NFATC2: variants seen among roughly 807,000 people sequenced by gnomAD.
NFATC2 encodes nuclear factor of activated T cells 2.
NFATC2 carries 22 observed loss-of-function variants against 87.3 expected under a neutral mutation model. That is an observed-to-expected ratio of 0.25 (90% CI 0.18 to 0.36). The LOEUF is 0.36. Among genes scored for constraint, NFATC2 ranks in the 10% least tolerant of loss-of-function variants. The pLI is 1.00. For missense variants in NFATC2, 1,149 were observed against 1,259.1 expected, an observed-to-expected ratio of 0.91 and a Z score of 1.32; for synonymous variants, 565 against 542.2, an observed-to-expected ratio of 1.04 and a Z score of -0.58.
intron 9 of NFATC2, among the ~76,000 whole-genome samples, chr20:51,426,673 C>T (rs1981880530): frequency 6.6e-6 from 1 of 152,098 alleles, no homozygotes; most frequent in Non-Finnish European, 1.5e-5. Context: ...GGAGCTGACA[C>T]TCAAGACACA....
At chr20:51,454,751 C>G in intron 5 of NFATC2, 63 bp from the exon 6 acceptor site, 3 of 1,578,656 alleles carry the variant, frequency 1.9e-6, no homozygotes, top group Non-Finnish European at 2.6e-6. Context: ...AAGAGGAGGT[C>G]TGATTTCATG....
At chr20:51,525,773 G>A (rs952202306) in intron 1 of NFATC2, among the ~76,000 whole-genome samples, 16 of 151,964 alleles carry the variant, frequency 1.1e-4, no homozygotes, top group African/African-American at 3.6e-4. Flanking sequence ...TCTCCTCCCT[G>A]GCCTCCCCAC....
chr20:51,435,281 T>C lies in NFATC2; in HGVS notation c.1939A>G (p.Asn647Asp), dbSNP rs1473565286. The change falls in exon 8 of 11, where the codon AAC (asparagine) becomes GAC (aspartate). Residue 647 changes from asparagine to aspartate, a missense_variant. Physicochemically the swap from Asn to Asp is conservative, Grantham distance 23 (BLOSUM62 1). Coordinates refer to ENST00000371564, the MANE Select transcript of NFATC2 (RefSeq NM_012340.5). ...MLFVEIPEYR[N>D]KHIRTPVKVN... Reference sequence around the variant, plus strand: ...TTTACAGGTGTGCGGATATGCTTGTTCCGATATTCAGGGATCTCAACAAAA... The same window carrying C: ...TTTACAGGTGTGCGGATATGCTTGTCCCGATATTCAGGGATCTCAACAAAA... 1.2e-6 allele frequency: 2 copies of C among 1,614,188 alleles called. No individual in the cohort carries two copies. Among genetic ancestry groups the C allele is most frequent in the Admixed American group, 3.3e-5 (2 of 60,034 alleles).
chr20:51,409,009 A>C (rs1978795593), intron 9 of NFATC2, among the ~76,000 whole-genome samples: 1 of 152,202 alleles, frequency 6.6e-6, no homozygotes, highest in Non-Finnish European at 1.5e-5. Context: ...ACTACATGAA[A>C]ATTTTCTGTT....
chr20:51,547,305 T>G (rs1429078006), upstream of NFATC2, among the ~76,000 whole-genome samples: 1 of 152,158 alleles, frequency 6.6e-6, no homozygotes, highest in Non-Finnish European at 1.5e-5. Flanking sequence ...ACTCATAGAC[T>G]GTCATCCTTT....
chr20:51,495,424 C>T (rs1229926560), intron 3 of NFATC2, among the ~76,000 whole-genome samples: 1 of 152,198 alleles, frequency 6.6e-6, no homozygotes, highest in Non-Finnish European at 1.5e-5. Flanking sequence ...TGTGTGACCG[C>T]ATATTCACCT....
rs1327038625 is a variant in NFATC2, at chr20:51,523,887, G to A, written c.354C>T (p.Ser118=). 2 of 1,606,410 alleles carry A rather than the reference G, an allele frequency of 1.2e-6. No individual in the cohort carries two copies. The highest frequency in any genetic ancestry group is 1.7e-6 in the Non-Finnish European group (2 of 1,177,712). The change falls in exon 2 of 11, where the codon TCC becomes TCT. Residue 118 remains serine, a synonymous_variant. Coordinates refer to ENST00000371564, the MANE Select transcript of NFATC2 (RefSeq NM_012340.5). This position sits in a 1 kb window ranked among gnomAD's most constrained non-coding sequence, Gnocchi z 6.9. ...GCCCCACTGCCTGGATCAGTTCGTG[G>A]GACGGAGTGATCTCGATCCGAGGGC... The part of the protein sequence containing the change: ...GLSPRIEITP[S]HELIQAVGPL...
At chr20:51,525,190 G>A (rs190243598) in intron 1 of NFATC2, among the ~76,000 whole-genome samples, 50 of 152,236 alleles carry the variant, frequency 3.3e-4, no homozygotes, top group East Asian at 5.8e-4. Flanking sequence ...ACTGCATGCC[G>A]GCCTGGGTGA....
rs186404943 is a variant in NFATC2, at chr20:51,520,377, C to T, written c.1160+2704G>A. 1.8e-4 allele frequency among the ~76,000 whole-genome samples: 27 copies of T among 151,826 alleles called. No individual in the cohort carries two copies. In the East Asian group the frequency reaches 5.0e-3, roughly 28 times the overall value. ...CTGGTGATCATGGGGCTTGTCACTT[C>T]ACCTCTCTGAGCCCAAATTTCTCAA... On this transcript the variant is annotated intron_variant, in intron 2 of 10. Transcript: ENST00000371564.
intron 4 of NFATC2, among the ~76,000 whole-genome samples, chr20:51,474,911 A>T (rs1988568837): frequency 6.6e-6 from 1 of 152,126 alleles, no homozygotes. Context: ...ACATAACACA[A>T]ATATTCACGA....
intron 1 of NFATC2, among the ~76,000 whole-genome samples, chr20:51,529,947 A>G (rs2146752742): frequency 6.6e-6 from 1 of 152,304 alleles, no homozygotes; most frequent in South Asian, 2.1e-4. Context: ...CTTCTGCGGT[A>G]TAACTCATAT....
In NFATC2 at chr20:51,454,541, C is replaced by T; in HGVS notation, c.1849+7G>A. 1 of 1,613,578 alleles carries T rather than the reference C, an allele frequency of 6.2e-7. No individual in the cohort carries two copies. Among genetic ancestry groups the T allele is most frequent in the Non-Finnish European group, 8.5e-7 (1 of 1,179,814 alleles). On this transcript the variant is annotated splice_region_variant and intron_variant, in intron 6 of 10. Coordinates refer to ENST00000371564, the MANE Select transcript of NFATC2 (RefSeq NM_012340.5). ...GGGACAGAGAAAGAGCTCAAAAATC[C>T]ACTGACCTGTGGTCTTCTCAGTAAA...
At chr20:51,413,461 C>CA (rs1345602930) in intron 9 of NFATC2, among the ~76,000 whole-genome samples, 2 of 151,754 alleles carry the variant, frequency 1.3e-5, no homozygotes, top group African/African-American at 4.8e-5. Flanking sequence ...CATCTTTTTT[C>CA]AAAAAAACCT....
intron 1 of NFATC2, among the ~76,000 whole-genome samples, chr20:51,536,190 T>C (rs1455780715): frequency 6.6e-6 from 1 of 152,224 alleles, no homozygotes; most frequent in Non-Finnish European, 1.5e-5. Context: ...TTTCTAATTA[T>C]ATAAATATCA....
At chr20:51,547,312 C>T (rs912804103), upstream of NFATC2, among the ~76,000 whole-genome samples, 1 of 152,100 alleles carries the variant, frequency 6.6e-6, no homozygotes, top group African/African-American at 2.4e-5. Context: ...GACTGTCATC[C>T]TTTGGTCCCT....
At chr20:51,456,423 T>G (rs1299864866) in intron 5 of NFATC2, among the ~76,000 whole-genome samples, 1 of 152,170 alleles carries the variant, frequency 6.6e-6, no homozygotes, top group Non-Finnish European at 1.5e-5. Context: ...AGCTTACATT[T>G]GAACCCTCAA....
At chr20:51,481,150 G>T (rs112209211) in intron 3 of NFATC2, among the ~76,000 whole-genome samples, 10 of 152,328 alleles carry the variant, frequency 6.6e-5, no homozygotes, top group African/African-American at 2.4e-4. Flanking sequence ...CATTCTGGAA[G>T]AGCCTTCCTC....
chr20:51,522,632 T>C (rs1454518362), intron 2 of NFATC2, among the ~76,000 whole-genome samples: 1 of 150,568 alleles, frequency 6.6e-6, no homozygotes, highest in Non-Finnish European at 1.5e-5. Context: ...CTAACAAACA[T>C]CACTTCCTCT....
chr20:51,484,389 G>A (rs1303022215), intron 3 of NFATC2, among the ~76,000 whole-genome samples: 2 of 152,002 alleles, frequency 1.3e-5, no homozygotes, highest in Non-Finnish European at 2.9e-5. Flanking sequence ...TCCACCTGAC[G>A]CTTCCCTCCA....
Sources: allele counts gnomAD v4.1 joint callset (sites outside exome capture counted in the v4.1 genomes callset), GRCh38; gene constraint gnomAD v4.1.1; non-coding constraint Gnocchi (gnomAD v3.1); transcripts MANE v1.5; gene names NCBI Gene and HGNC (gene_info 2026-07-23, HGNC 2026-07-21).